The following FRMPD4 variants were observed in gnomAD, a reference collection of about 807,000 sequenced individuals.
FRMPD4 encodes the protein FERM and PDZ domain-containing protein 4.
Under a neutral mutation model 94.1 loss-of-function variants are expected in FRMPD4, and 22 were observed. The observed-to-expected ratio is 0.23, with a 90% CI of 0.17 to 0.33. The LOEUF is 0.33. Ranked by LOEUF, FRMPD4 falls within the 10% of genes least tolerant of loss-of-function variation. The probability of loss-of-function intolerance (pLI) is 1.00; values close to 1 mark genes in which losing one functional copy is unlikely to be tolerated. For synonymous variants in FRMPD4, 631 were observed against 548.6 expected, an observed-to-expected ratio of 1.15 and a Z score of -2.10; for missense variants, 1,111 against 1,339.9, an observed-to-expected ratio of 0.83 and a Z score of 2.67.
At chrX:12,496,647 GT>G (rs371089724) in intron 1 of FRMPD4, among the ~76,000 whole-genome samples, 23 of 107,621 alleles carry the variant, frequency 2.1e-4, no homozygotes, top group East Asian at 2.0e-3. Context: ...TACAAAGGGT[GT>G]TTTTTTTTTC....
intron 3 of FRMPD4, among the ~76,000 whole-genome samples, chrX:12,036,175 A>T (rs1408168292): frequency 9.0e-6 from 1 of 111,724 alleles, no homozygotes; most frequent in Non-Finnish European, 1.9e-5. Context: ...AATGAATATC[A>T]AGTGCTTCCT....
At chrX:12,165,349 C>T (rs1273362853) in intron 1 of FRMPD4, among the ~76,000 whole-genome samples, 1 of 111,982 alleles carries the variant, frequency 8.9e-6, no homozygotes, top group Non-Finnish European at 1.9e-5. Context: ...TGTCAAAAAT[C>T]AGATAGTTGT....
intron 1 of FRMPD4, among the ~76,000 whole-genome samples, chrX:12,193,838 G>GAAAGA (rs2056533291): frequency 1.7e-5 from 1 of 59,961 alleles, no homozygotes; most frequent in East Asian, 1.0e-3. Context: ...AGGGAAGGAA[G>GAAAGA]AAAGAAAAGA....
At chrX:12,701,057 G>C (rs755889913) in intron 9 of FRMPD4, among the ~76,000 whole-genome samples, 1 of 86,489 alleles carries the variant, frequency 1.2e-5, no homozygotes, top group South Asian at 5.8e-4. Context: ...TTGGGGTTTT[G>C]TTTTGGCTTC....
intron 2 of FRMPD4, among the ~76,000 whole-genome samples, chrX:12,514,678 T>C (rs757856042): frequency 9.8e-5 from 11 of 111,790 alleles, no homozygotes; most frequent in Admixed American, 2.8e-4. Context: ...GTTTTTCTTT[T>C]TTGTTGTATC....
At position 11,876,120 on chromosome X, in the gene FRMPD4, C is replaced by T. The variant is rs763759683; in HGVS notation, c.-29-1775C>T. ...CGTTCGCCTGACCTCGTGATCCGCC[C>T]GCCTCGGCCTCCCCACTTGAGGATC... On this transcript the variant is annotated intron_variant, in intron 2 of 18. Coordinates refer to the FRMPD4 transcript ENST00000640291. Among the ~76,000 whole-genome samples the T allele has an allele frequency of 1.6e-3, 180 of 109,398 alleles. 1 individual carries two copies. The highest frequency in any genetic ancestry group is 9.2e-3 in the Middle Eastern group (2 of 218). The allele number at this position is 109,398 out of a possible 115,157, so 95.0% of individuals were successfully genotyped here.
chrX:12,087,449 A>G (rs1335431235), intron 3 of FRMPD4, among the ~76,000 whole-genome samples: 1 of 111,468 alleles, frequency 9.0e-6, no homozygotes, highest in East Asian at 2.8e-4. Context: ...TGTTGATATC[A>G]CCCAGGGTCA....
intron 4 of FRMPD4, among the ~76,000 whole-genome samples, chrX:12,644,237 T>A (rs893348074): frequency 1.8e-5 from 2 of 110,403 alleles, no homozygotes; most frequent in Non-Finnish European, 3.8e-5. Context: ...ACCTGGCTAA[T>A]TTTTTTTTAT....
At chrX:11,997,538 C>G (rs2054503062) in intron 3 of FRMPD4, among the ~76,000 whole-genome samples, 1 of 110,947 alleles carries the variant, frequency 9.0e-6, no homozygotes, top group South Asian at 3.9e-4. Context: ...TTGTTTCTGG[C>G]TGCAACTTGG....
chrX:11,827,227 T>A (rs2053449467), intron 1 of FRMPD4, among the ~76,000 whole-genome samples: 1 of 107,571 alleles, frequency 9.3e-6, no homozygotes, highest in Non-Finnish European at 1.9e-5. Context: ...TATTATATCA[T>A]ATATATGGTA....
At chrX:12,648,980 A>T (rs777153888) in intron 4 of FRMPD4, among the ~76,000 whole-genome samples, 1 of 112,394 alleles carries the variant, frequency 8.9e-6, no homozygotes, top group South Asian at 3.7e-4. Context: ...GAGCTCTGAT[A>T]ACTTGAACTG....
At chrX:12,109,551 G>A (rs1315497221) in intron 3 of FRMPD4, among the ~76,000 whole-genome samples, 1 of 111,774 alleles carries the variant, frequency 8.9e-6, no homozygotes, top group African/African-American at 3.3e-5. Flanking sequence ...AAAGCTAGCA[G>A]AAGGTGAGAA....
intron 1 of FRMPD4, among the ~76,000 whole-genome samples, chrX:12,340,897 T>C (rs2055602765): frequency 9.0e-6 from 1 of 111,581 alleles, no homozygotes; most frequent in Admixed American, 9.5e-5. Flanking sequence ...GCACTCAAGG[T>C]AGATGGCATC....
At chrX:12,698,878 C>A (rs1277123443) in intron 9 of FRMPD4, among the ~76,000 whole-genome samples, 2 of 111,360 alleles carry the variant, frequency 1.8e-5, no homozygotes, top group Non-Finnish European at 3.8e-5. Flanking sequence ...TCATTGCTAA[C>A]TCTCAAGTTA....
chrX:12,319,868 C>G (rs2055181735), intron 1 of FRMPD4, among the ~76,000 whole-genome samples: 1 of 112,011 alleles, frequency 8.9e-6, no homozygotes, highest in Non-Finnish European at 1.9e-5. Flanking sequence ...GGCAATGTTT[C>G]TCTTAGTTAT....
Position 12,717,938 on chromosome X carries a change from G to A in FRMPD4, c.3112G>A (p.Ala1038Thr). 8.3e-7 allele frequency: 1 copy of A among 1,210,471 alleles called. No homozygotes were observed. Among genetic ancestry groups the A allele is most frequent in the Middle Eastern group, 2.3e-4 (1 of 4,349 alleles). Residue 1038 changes from alanine to threonine, a missense_variant, in exon 16 of 17, where the codon GCA (alanine) becomes ACA (threonine). Physicochemically the swap from Ala to Thr is moderately conservative, Grantham distance 58. Coordinates refer to ENST00000675598, the MANE Select transcript of FRMPD4 (RefSeq NM_001368397.1). ...KSKLADGEGK[A>T]PPNGNTTGKK... ...CAAGCTGGCCGATGGTGAGGGGAAG[G>A]CACCCCCTAATGGGAACACAACAGG...
chrX:12,413,687 A>G (rs2056763796), intron 1 of FRMPD4, among the ~76,000 whole-genome samples: 1 of 111,787 alleles, frequency 8.9e-6, no homozygotes, highest in Non-Finnish European at 1.9e-5. Flanking sequence ...GTCAGGTCCA[A>G]TGTACAAAGA....
intron 1 of FRMPD4, among the ~76,000 whole-genome samples, chrX:11,849,678 GTTT>G (rs200493437): frequency 2.0e-5 from 2 of 98,243 alleles, no homozygotes; most frequent in African/African-American, 3.7e-5. Flanking sequence ...GAAAGGACAG[GTTT>G]TTTTTTTTTT....
chrX:11,935,269 GTTTTT>G (rs1234166611), intron 3 of FRMPD4, among the ~76,000 whole-genome samples: 1 of 5,012 alleles, frequency 2.0e-4, no homozygotes, highest in African/African-American at 8.7e-4. Flanking sequence ...TTTTTAATGT[GTTTTT>G]TTTTTTTTTT....
Sources: gnomAD v4.1 joint callset for allele counts (sites outside exome capture counted in the v4.1 genomes callset) on GRCh38, gnomAD v4.1.1 for gene constraint, MANE v1.5 for transcripts, NCBI Gene and HGNC (gene_info 2026-07-23, HGNC 2026-07-21) for gene names.